The following ANKRD17 variants were observed in gnomAD, a reference collection of about 807,000 sequenced individuals.
ANKRD17 encodes the protein ankyrin repeat domain 17, also known as ankyrin repeat domain-containing protein 17.
In ANKRD17, 19 loss-of-function variants were observed where a neutral mutation model predicts 229.7. The observed-to-expected ratio is 0.08, with a 90% CI of 0.06 to 0.12. The LOEUF (loss-of-function observed/expected upper bound fraction) is 0.12, where lower values mean the gene tolerates loss of function less well. ANKRD17 is among the 10% of genes least tolerant of loss of function. The pLI is 1.00. For missense variants in ANKRD17, 2,176 were observed against 3,176.8 expected (o/e 0.68, Z 7.57); for synonymous variants, 1,112 against 1,146.1 (o/e 0.97, Z 0.60).
intron 29 of ANKRD17, among the ~76,000 whole-genome samples, chr4:73,086,985 A>G (rs1407225442): frequency 7.8e-6 from 1 of 128,812 alleles, no homozygotes; most frequent in Non-Finnish European, 1.6e-5. Context: ...TAAGGACCAA[A>G]GAGTTGTATA....
chr4:73,229,035 A>C (rs1742792117), intron 1 of ANKRD17, among the ~76,000 whole-genome samples: 1 of 152,202 alleles, frequency 6.6e-6, no homozygotes, highest in Non-Finnish European at 1.5e-5. Flanking sequence ...TCGCAAGAAC[A>C]AAAAACCGAA....
chr4:73,232,044 A>G (rs1743097166), intron 1 of ANKRD17, among the ~76,000 whole-genome samples: 4 of 152,320 alleles, frequency 2.6e-5, no homozygotes, highest in Middle Eastern at 6.8e-3. Flanking sequence ...TGTATTAAAC[A>G]TAAGTGTTTC....
chr4:73,245,614 T>A (rs894366841), intron 1 of ANKRD17, among the ~76,000 whole-genome samples: 1 of 152,186 alleles, frequency 6.6e-6, no homozygotes, highest in Non-Finnish European at 1.5e-5. Context: ...CTCACAATCA[T>A]GTAAGCCAAA....
At position 73,090,816 on chromosome 4, in the gene ANKRD17, C is replaced by A. The variant is rs776691091; in HGVS notation, c.6812G>T (p.Gly2271Val). 6.2e-7 allele frequency: 1 copy of A among 1,614,174 alleles called. No homozygotes were observed. Among genetic ancestry groups the A allele is most frequent in the South Asian group, 1.1e-5 (1 of 91,086 alleles). Residue 2271 changes from glycine (G) to valine (V), a missense_variant, in exon 29 of 34, where the codon GGA (glycine) becomes GTA (valine). By Grantham distance (109) the Gly-to-Val change is moderately radical. Transcript: ENST00000358602. ...SPTSAHAFWG[G>V]SVVSSQSTPE... Reference sequence around the variant, plus strand: ...TGTTGACTGAGATGAAACAACAGATCCTCCCCAGAAGGCATGAGCAGAAGT... The same window carrying A: ...TGTTGACTGAGATGAAACAACAGATACTCCCCAGAAGGCATGAGCAGAAGT...
Position 73,147,449 on chromosome 4 carries a change from A to G in ANKRD17, c.1568-17T>C. The G allele has an allele frequency of 3.3e-6, 5 of 1,498,028 alleles. No homozygotes were observed. In the South Asian group the frequency reaches 7.0e-5, roughly 21 times the overall value. The allele number at this position is 1,498,028 out of a possible 1,614,324, so 92.8% of individuals were successfully genotyped here. On this transcript the variant is annotated splice_polypyrimidine_tract_variant and intron_variant, in intron 8 of 33. Coordinates refer to ENST00000358602, the MANE Select transcript of ANKRD17 (RefSeq NM_032217.5). ...TATTTGCTCCTAAAATAAAGATTCT[A>G]ATTATTTAAAGAAAGTCATTAACTT...
At chr4:73,106,969 C>T (rs1724722251) in intron 24 of ANKRD17, among the ~76,000 whole-genome samples, 1 of 148,952 alleles carries the variant, frequency 6.7e-6, no homozygotes, top group Admixed American at 6.7e-5. Context: ...GAGAGAGACA[C>T]AGATATGTAT....
At chr4:73,241,745 AAACT>A (rs1198061227) in intron 1 of ANKRD17, among the ~76,000 whole-genome samples, 1 of 152,170 alleles carries the variant, frequency 6.6e-6, no homozygotes, top group Non-Finnish European at 1.5e-5. Context: ...TAAATTTGAA[AAACT>A]AACATGAATA....
At chr4:73,171,992 T>G (rs772786215) in intron 2 of ANKRD17, among the ~76,000 whole-genome samples, 21 of 151,580 alleles carry the variant, frequency 1.4e-4, no homozygotes, top group Non-Finnish European at 2.5e-4. Flanking sequence ...GTGATAGGGG[T>G]AGAAAGTTTA....
intron 6 of ANKRD17, among the ~76,000 whole-genome samples, chr4:73,151,755 G>A (rs115652707): frequency 6.6e-6 from 1 of 152,098 alleles, no homozygotes; most frequent in African/African-American, 2.4e-5. Context: ...GTCCCTGCTA[G>A]AGGTGAACAA....
chr4:73,132,328 C>T (rs1202512587), intron 16 of ANKRD17, among the ~76,000 whole-genome samples: 10 of 151,976 alleles, frequency 6.6e-5, no homozygotes, highest in Middle Eastern at 3.2e-3. Context: ...AGGCTGGTCT[C>T]GAACTCCTAA....
At chr4:73,198,360 T>A (rs1738178702) in intron 1 of ANKRD17, among the ~76,000 whole-genome samples, 1 of 152,308 alleles carries the variant, frequency 6.6e-6, no homozygotes, top group African/African-American at 2.4e-5. Context: ...AAATTTGGTA[T>A]ACTGCAAAGT....
At chr4:73,118,576 G>A (rs1726287630) in intron 22 of ANKRD17, 112 bp downstream of exon 22, 4 of 1,163,536 alleles carry the variant, frequency 3.4e-6, no homozygotes, top group East Asian at 2.4e-5. Flanking sequence ...GCATATTATT[G>A]CTTTCATCAC....
intron 29 of ANKRD17, 26 bp from the exon 30 acceptor site, chr4:73,085,472 T>A: frequency 6.4e-7 from 1 of 1,573,300 alleles, no homozygotes; most frequent in Non-Finnish European, 8.7e-7. Flanking sequence ...TCATCATAAT[T>A]TATAATAGTT....
At chr4:73,161,083 G>A (rs1157644454) in intron 3 of ANKRD17, 109 bp downstream of exon 3, 2 of 1,350,310 alleles carry the variant, frequency 1.5e-6, no homozygotes, top group African/African-American at 2.9e-5. Flanking sequence ...ATGTTAAGTG[G>A]TTAGCACAGT....
chr4:73,099,226 C>T (rs1303705532), intron 25 of ANKRD17: 5 of 583,866 alleles, frequency 8.6e-6, no homozygotes, highest in East Asian at 3.8e-5. Flanking sequence ...CCACCGCCCC[C>T]GCCCCTTTCC....
At chr4:73,149,894 T>C (rs147695460) in intron 7 of ANKRD17, among the ~76,000 whole-genome samples, 1,820 of 152,174 alleles carry the variant, frequency 0.012, 40 homozygotes, top group African/African-American at 0.041. Context: ...AAGAAAATTC[T>C]ATATTCTGTC....
At chr4:73,142,419 G>A (rs1164098166) in intron 12 of ANKRD17, 34 bp from the exon 13 acceptor site, 1 of 1,582,586 alleles carries the variant, frequency 6.3e-7, no homozygotes, top group African/African-American at 1.4e-5. Flanking sequence ...GAAAAAAAGT[G>A]AAGAAAAATA....
In ANKRD17 at chr4:73,135,048, G is replaced by GA. The variant is rs1213723684; in HGVS notation, c.3234+68dup. On this transcript the variant is annotated intron_variant, in intron 16 of 33. Transcript: ENST00000358602. Reference sequence around the variant, plus strand: ...GCAGTCTTTCATGGTTTAAATCTCTGAAAGTTAATGTTTTTAATTATGGCA... The same window carrying GA: ...GCAGTCTTTCATGGTTTAAATCTCTGAAAAGTTAATGTTTTTAATTATGGCA... The GA allele has an allele frequency of 2.7e-6, 4 of 1,472,098 alleles. No homozygotes were observed. The African/African-American group carries it at 5.6e-5, about 21-fold the overall frequency. The allele number at this position is 1,472,098 out of a possible 1,614,324, so 91.2% of individuals were successfully genotyped here.
At chr4:73,094,307 T>C (rs1312193520) in intron 27 of ANKRD17, 79 bp from the exon 28 acceptor site, 23 of 1,276,322 alleles carry the variant, frequency 1.8e-5, no homozygotes, top group Non-Finnish European at 2.4e-5. Flanking sequence ...GAAAGAGTAT[T>C]ACTAAAATGT....
Sources: allele counts gnomAD v4.1 joint callset (sites outside exome capture counted in the v4.1 genomes callset), GRCh38; gene constraint gnomAD v4.1.1; transcripts MANE v1.5; gene names NCBI Gene and HGNC (gene_info 2026-07-23, HGNC 2026-07-21).